ERCC3: variants seen among roughly 807,000 people sequenced by gnomAD.
ERCC3 encodes general transcription and DNA repair factor IIH helicase/translocase subunit XPB.
ERCC3 carries 66 observed loss-of-function variants against 94.2 expected under a neutral mutation model. That is an observed-to-expected ratio of 0.70 (90% confidence interval 0.57 to 0.86). ERCC3 has a LOEUF of 0.86. Ranked by LOEUF, ERCC3 falls within the 40% of genes least tolerant of loss-of-function variation. The pLI is 0.00. For missense variants in ERCC3, 829 were observed against 987.1 expected, an observed-to-expected ratio of 0.84 and a Z score of 2.15; for synonymous variants, 349 against 369.1, an observed-to-expected ratio of 0.95 and a Z score of 0.63.
At chr2:127,262,293 G>A (rs1684211357) in intron 12 of ERCC3, 1 of 152,242 alleles carries the variant, frequency 6.6e-6, no homozygotes, top group African/African-American at 2.4e-5. Flanking sequence ...AGGAGTTTGA[G>A]ACCAGCCTGG....
At chr2:127,286,202 A>G (rs1685061008) in intron 8 of ERCC3, among the ~76,000 whole-genome samples, 2 of 152,136 alleles carry the variant, frequency 1.3e-5, no homozygotes, top group Non-Finnish European at 2.9e-5. Flanking sequence ...CTAAATCACT[A>G]CTGAGCCAGT....
At chr2:127,263,078 G>C (rs1684245198) in intron 12 of ERCC3, among the ~76,000 whole-genome samples, 1 of 152,216 alleles carries the variant, frequency 6.6e-6, no homozygotes, top group African/African-American at 2.4e-5. Flanking sequence ...AGCATAGTTT[G>C]AAGTTGGATA....
At chr2:127,273,068 C>G in intron 10 of ERCC3, 107 bp from the exon 11 acceptor site, 1 of 746,816 alleles carries the variant, frequency 1.3e-6, no homozygotes, top group South Asian at 1.5e-5. Context: ...AAGTAGAAAG[C>G]CCTCGTCATG....
chr2:127,273,267 C>T (rs1350330922), intron 10 of ERCC3, among the ~76,000 whole-genome samples: 2 of 152,112 alleles, frequency 1.3e-5, no homozygotes, highest in Non-Finnish European at 2.9e-5. Context: ...ATACAAGGAG[C>T]ATCTCCACAT....
rs546477339 is a variant in ERCC3 at position 127,291,536 on chromosome 2, C to T, written c.471+1074G>A. 3.9e-5 allele frequency among the ~76,000 whole-genome samples: 6 copies of T among 152,166 alleles called. No individual in the cohort carries two copies. ...TCAGCCACCCAAAGTGCTGGGATTA[C>T]AGGAGTGAGCCACTGCACCTGGCCG... On this transcript the variant is annotated intron_variant, in intron 3 of 14. Transcript: ENST00000285398. This position sits in a 1 kb window ranked among gnomAD's most constrained non-coding sequence, Gnocchi z 4.9.
At chr2:127,294,023 CG>C (rs781029448) in intron 1 of ERCC3, 30 bp downstream of exon 1, 2 of 1,601,556 alleles carry the variant, frequency 1.2e-6, no homozygotes, top group African/African-American at 2.7e-5. Context: ...CAAGGGCAGT[CG>C]TGGCTGAGCG....
intron 7 of ERCC3, 68 bp from the exon 8 acceptor site, chr2:127,287,085 G>T: frequency 3.2e-6 from 4 of 1,252,996 alleles, no homozygotes; most frequent in South Asian, 2.4e-5. Context: ...CAGGCAGAAT[G>T]ACTCACAAGT....
chr2:127,257,407 C>T lies in ERCC3; in HGVS notation c.*189G>A. 1 of 717,914 alleles carries T rather than the reference C, an allele frequency of 1.4e-6. No individual in the cohort carries two copies. The highest frequency in any genetic ancestry group is 2.5e-6 in the Non-Finnish European group (1 of 401,140). The allele number at this position is 717,914 out of a possible 1,614,324, so 44.5% of individuals were successfully genotyped here. On this transcript the variant is annotated 3_prime_UTR_variant, in exon 15 of 15. Coordinates refer to ENST00000285398, the MANE Select transcript of ERCC3 (RefSeq NM_000122.2). The surrounding 1 kb of genome is among the most constrained non-coding windows in gnomAD (Gnocchi z 5.4). The stretch of plus-strand genomic sequence containing the variant: ...CCCAAAAAGTTTGAAAAAATATTGT[C>T]TCCTCCTCCTTTATAAAACCCTAGA...
intron 12 of ERCC3, 27 bp from the exon 13 acceptor site, chr2:127,261,373 T>C (rs755730097): frequency 2.2e-6 from 3 of 1,357,378 alleles, no homozygotes; most frequent in African/African-American, 2.9e-5. Context: ...GAAACGGCAA[T>C]AAAGAAGACA....
In ERCC3 at chr2:127,271,079, C is replaced by A. The variant is rs988584764; in HGVS notation, c.1945+257G>T. 1.3e-5 allele frequency among the ~76,000 whole-genome samples: 2 copies of A among 152,214 alleles called. No individual in the cohort carries two copies. The highest frequency in any genetic ancestry group is 4.8e-5 in the African/African-American group (2 of 41,450). ...TGCCCTGGCTCCCTCTCACCATCTA[C>A]CAACACAGCTGCACAGTGTACAGAG... On this transcript the variant is annotated intron_variant, in intron 12 of 14. Transcript: ENST00000285398. The surrounding 1 kb of genome is among the most constrained non-coding windows in gnomAD (Gnocchi z 5.0).
rs775316471 is a variant in ERCC3 at position 127,271,380 on chromosome 2, C to T, written c.1901G>A (p.Arg634His). Residue 634 changes from arginine (R) to histidine (H), a missense_variant, in exon 12 of 15, where the codon CGT (arginine) becomes CAT (histidine). Physicochemically the swap from Arg to His is conservative, Grantham distance 29. Transcript: ENST00000285398. The surrounding 1 kb of genome is among the most constrained non-coding windows in gnomAD (Gnocchi z 5.0). ...IQISSHGGSRRQEAQRLGRVL... is the reference protein window; with the variant it reads ...IQISSHGGSRHQEAQRLGRVL... ...CCGCCCTAGCCTTTGGGCTTCCTGACGCCTGGAGCCACCATGGGATGAGAT... is the reference window on the plus strand; with the variant it reads ...CCGCCCTAGCCTTTGGGCTTCCTGATGCCTGGAGCCACCATGGGATGAGAT... 5 of 1,614,106 alleles carry T rather than the reference C, an allele frequency of 3.1e-6. No individual in the cohort carries two copies. The highest frequency in any genetic ancestry group is 3.4e-6 in the Non-Finnish European group (4 of 1,180,006).
intron 2 of ERCC3, among the ~76,000 whole-genome samples, chr2:127,293,170 G>C (rs1202667453): frequency 1.3e-5 from 2 of 152,228 alleles, no homozygotes; most frequent in East Asian, 3.8e-4. Flanking sequence ...TAGAGCAAAA[G>C]CTTGCTACCG....
At chr2:127,289,580 G>A in intron 5 of ERCC3, 79 bp from the exon 6 acceptor site, 1 of 1,602,026 alleles carries the variant, frequency 6.2e-7, no homozygotes, top group Non-Finnish European at 8.5e-7. Context: ...GTTGTAAAGG[G>A]TAGAACCAGC....
Position 127,259,323 on chromosome 2 carries a change from AGCC to A in ERCC3, c.2187_2189del (p.Ala730del). 6.2e-7 allele frequency: 1 copy of A among 1,614,152 alleles called. No homozygotes were observed. Among genetic ancestry groups the A allele is most frequent in the Non-Finnish European group, 8.5e-7 (1 of 1,180,012 alleles). On this transcript the variant is annotated inframe_deletion, in exon 14 of 15. Transcript: ENST00000285398. The surrounding 1 kb of genome is among the most constrained non-coding windows in gnomAD (Gnocchi z 4.9). ...GGCTGGATCTGGAGCCAAATTCCCC[AGCC>A]ACCACCTCCTCCTCGGCATCCAGGT... is the stretch of plus-strand genomic sequence containing the variant.
In ERCC3 at chr2:127,289,781, G is replaced by T. The variant is rs768670201; in HGVS notation, c.565C>A (p.Leu189Ile). The change falls in exon 5 of 15, where the codon CTC (leucine) becomes ATC (isoleucine). Residue 189 changes from leucine (L) to isoleucine (I), a missense_variant. Coordinates refer to ENST00000285398, the MANE Select transcript of ERCC3 (RefSeq NM_000122.2). ...SCHPDVIQHL[L>I]QDPVIRECRL... ...CATTCTCGGATCACGGGGTCCTGGAGAAGATGCTGGATTACATCAGGGTGG... is the reference window on the plus strand; with the variant it reads ...CATTCTCGGATCACGGGGTCCTGGATAAGATGCTGGATTACATCAGGGTGG... 8 of 1,614,012 alleles carry T rather than the reference G, an allele frequency of 5.0e-6. No individual in the cohort carries two copies. In the Admixed American group the frequency reaches 1.3e-4, roughly 27 times the overall value.
chr2:127,275,145 A>C (rs1684693378), intron 10 of ERCC3, among the ~76,000 whole-genome samples: 1 of 152,164 alleles, frequency 6.6e-6, no homozygotes, highest in Non-Finnish European at 1.5e-5. Flanking sequence ...AAAAGCTTGG[A>C]GAATCCCCAC....
rs1684297329 is a variant in ERCC3, at chr2:127,264,623, T to C, written c.1946-3277A>G. Among the ~76,000 whole-genome samples the C allele has an allele frequency of 6.6e-6, 1 of 152,228 alleles. No individual in the cohort carries two copies. Among genetic ancestry groups the C allele is most frequent in the Non-Finnish European group, 1.5e-5 (1 of 68,042 alleles). On this transcript the variant is annotated intron_variant, in intron 12 of 14. Transcript: ENST00000285398. The surrounding 1 kb of genome is among the most constrained non-coding windows in gnomAD (Gnocchi z 4.4). The stretch of plus-strand genomic sequence containing the variant: ...TGATTGTGGTGAATTAACTTTTTGA[T>C]ATGCTGCTGGATTTGCTTTGTCCTC...
intron 13 of ERCC3, chr2:127,260,889 C>T: frequency 3.1e-6 from 1 of 320,170 alleles, no homozygotes; most frequent in Non-Finnish European, 5.9e-6. Flanking sequence ...GTCTGGGAGG[C>T]AAACTGAGGC....
At chr2:127,283,865 G>A (rs967091592) in intron 8 of ERCC3, among the ~76,000 whole-genome samples, 3 of 151,848 alleles carry the variant, frequency 2.0e-5, no homozygotes, top group African/African-American at 7.3e-5. Context: ...ATCCTTTTTT[G>A]GTGAAATGTC....
Sources: allele counts gnomAD v4.1 joint callset (sites outside exome capture counted in the v4.1 genomes callset), GRCh38; gene constraint gnomAD v4.1.1; non-coding constraint Gnocchi (gnomAD v3.1); transcripts MANE v1.5; gene names NCBI Gene and HGNC (gene_info 2026-07-23, HGNC 2026-07-21).